Variants in SPOCK1 observed in about 807,000 individuals in gnomAD.
SPOCK1 encodes testican-1.
A neutral mutation model predicts 55.3 loss-of-function variants in SPOCK1; 23 were observed. The ratio of observed to expected loss-of-function variants is 0.42; its 90% CI spans 0.30 to 0.59. SPOCK1 has a LOEUF of 0.59. SPOCK1 is among the 20% of genes least tolerant of loss of function. SPOCK1 has a pLI of 0.22. For missense variants in SPOCK1, 499 were observed against 552.5 expected (o/e 0.90, Z 0.97); for synonymous variants, 226 against 221.0 (o/e 1.02, Z -0.20).
chr5:137,477,546 A>G (rs1753861277), intron 2 of SPOCK1, among the ~76,000 whole-genome samples: 1 of 152,136 alleles, frequency 6.6e-6, no homozygotes, highest in Non-Finnish European at 1.5e-5. Flanking sequence ...AGCATTTCTC[A>G]GTATAACTTG....
At chr5:137,018,790 T>A (rs56027567) in intron 6 of SPOCK1, among the ~76,000 whole-genome samples, 67 of 152,260 alleles carry the variant, frequency 4.4e-4, no homozygotes, top group African/African-American at 1.4e-3. Flanking sequence ...TTTAAAATTT[T>A]AAAAAAAGAA....
intron 2 of SPOCK1, among the ~76,000 whole-genome samples, chr5:137,463,899 G>C (rs1259411553): frequency 6.6e-6 from 1 of 152,184 alleles, no homozygotes; most frequent in Non-Finnish European, 1.5e-5. Context: ...AGCAAGCCAA[G>C]ATTACACCGC....
intron 5 of SPOCK1, among the ~76,000 whole-genome samples, chr5:137,080,901 A>G (rs920640786): frequency 6.6e-6 from 1 of 152,244 alleles, no homozygotes; most frequent in African/African-American, 2.4e-5. Flanking sequence ...AGAGGTCTAC[A>G]TCAGATCTAT....
chr5:137,350,027 G>T (rs1324614775), intron 2 of SPOCK1, among the ~76,000 whole-genome samples: 1 of 152,150 alleles, frequency 6.6e-6, no homozygotes, highest in South Asian at 2.1e-4. Flanking sequence ...ATCTATGAAT[G>T]CCTGGGTGCT....
chr5:137,356,826 T>TAGAGAGAGAG (rs1750819003), intron 2 of SPOCK1, among the ~76,000 whole-genome samples: 1 of 19,348 alleles, frequency 5.2e-5, no homozygotes. Context: ...TATATATATA[T>TAGAGAGAGAG]ATATATATAT....
At chr5:137,090,583 C>A (rs528049470) in intron 5 of SPOCK1, among the ~76,000 whole-genome samples, 1 of 152,322 alleles carries the variant, frequency 6.6e-6, no homozygotes, top group Admixed American at 6.5e-5. Context: ...CACCTCACAG[C>A]CAGGCATGGG....
At chr5:137,219,137 C>A (rs1257115567) in intron 3 of SPOCK1, among the ~76,000 whole-genome samples, 1 of 152,176 alleles carries the variant, frequency 6.6e-6, no homozygotes. Context: ...GCTAGCATCA[C>A]CCTCTTAATT....
chr5:137,223,331 A>G (rs1243473319), intron 3 of SPOCK1, among the ~76,000 whole-genome samples: 2 of 152,126 alleles, frequency 1.3e-5, no homozygotes, highest in African/African-American at 2.4e-5. Context: ...AGTAAAAAGC[A>G]TGACAATGAA....
chr5:137,401,217 T>C (rs1218947611), intron 2 of SPOCK1, among the ~76,000 whole-genome samples: 1 of 152,174 alleles, frequency 6.6e-6, no homozygotes, highest in African/African-American at 2.4e-5. Flanking sequence ...GGAGGAAAAG[T>C]AATAGTGCTT....
At chr5:137,286,071 T>G (rs1337490147) in intron 2 of SPOCK1, among the ~76,000 whole-genome samples, 1 of 152,176 alleles carries the variant, frequency 6.6e-6, no homozygotes, top group Non-Finnish European at 1.5e-5. Context: ...CTCTTAATGT[T>G]CTTCACCACC....
chr5:137,413,864 G>C (rs1752273879), intron 2 of SPOCK1, among the ~76,000 whole-genome samples: 1 of 152,002 alleles, frequency 6.6e-6, no homozygotes, highest in South Asian at 2.1e-4. Context: ...CTATCACAAG[G>C]GTTCTACCAG....
chr5:137,339,636 G>T (rs1385269847), intron 2 of SPOCK1, among the ~76,000 whole-genome samples: 1 of 151,646 alleles, frequency 6.6e-6, no homozygotes, highest in African/African-American at 2.4e-5. Flanking sequence ...TTTTCAATCA[G>T]TTTTTTTTCA....
intron 3 of SPOCK1, among the ~76,000 whole-genome samples, chr5:137,143,946 A>C (rs906560294): frequency 6.6e-6 from 1 of 152,204 alleles, no homozygotes; most frequent in Non-Finnish European, 1.5e-5. Context: ...TATCTTCTTT[A>C]AAAAGCTGAT....
chr5:137,378,929 C>T (rs1369535530), intron 2 of SPOCK1, among the ~76,000 whole-genome samples: 6 of 152,138 alleles, frequency 3.9e-5, no homozygotes, highest in South Asian at 4.1e-4. Context: ...TGGAGCCAGA[C>T]GTAGGAAATC....
At position 137,438,445 on chromosome 5, in the gene SPOCK1, T is replaced by C. The variant is rs533803986; in HGVS notation, c.186+59928A>G. On this transcript the variant is annotated intron_variant, in intron 2 of 10. Coordinates refer to ENST00000394945, the MANE Select transcript of SPOCK1 (RefSeq NM_004598.4). ...GAGAAAACCCAAACCAGGCAGCTCC[T>C]GGGTACACCTCCTAAATAACCCAAA... 7.9e-5 allele frequency among the ~76,000 whole-genome samples: 12 copies of C among 152,244 alleles called. No individual in the cohort carries two copies. In the South Asian group the frequency reaches 1.7e-3, roughly 21 times the overall value.
chr5:137,136,534 C>A (rs1001892239), intron 4 of SPOCK1, among the ~76,000 whole-genome samples: 9 of 152,072 alleles, frequency 5.9e-5, no homozygotes, highest in Non-Finnish European at 1.3e-4. Context: ...CACCAATAGA[C>A]AAAACCCATG....
At chr5:137,162,572 T>C (rs772950267) in intron 3 of SPOCK1, among the ~76,000 whole-genome samples, 17 of 151,944 alleles carry the variant, frequency 1.1e-4, no homozygotes, top group Non-Finnish European at 1.9e-4. Flanking sequence ...TGTGCAGAGG[T>C]GGGGGTGATG....
At chr5:137,023,062 C>A (rs1751604976) in intron 6 of SPOCK1, among the ~76,000 whole-genome samples, 1 of 152,164 alleles carries the variant, frequency 6.6e-6, no homozygotes, top group South Asian at 2.1e-4. Context: ...AGCTGACTGC[C>A]TGAGTTTGGA....
Position 137,339,172 on chromosome 5 carries a change from C to CCAG in SPOCK1, c.187-72120_187-72118dup, listed in dbSNP as rs149408351. Among the ~76,000 whole-genome samples, 1,355 of 152,322 alleles carry CCAG rather than the reference C, an allele frequency of 8.9e-3. 21 individuals are homozygous for CCAG. The highest frequency in any genetic ancestry group is 0.031 in the African/African-American group (1,302 of 41,566). The stretch of plus-strand genomic sequence containing the variant: ...AGTAACAAGTTTTATATCACAGCCA[C>CCAG]CAGCATCCATCTCCCTTTCTATAGG... On this transcript the variant is annotated intron_variant, in intron 2 of 10. Transcript: ENST00000394945.
Sources: gnomAD v4.1 joint callset for allele counts (sites outside exome capture counted in the v4.1 genomes callset) on GRCh38, gnomAD v4.1.1 for gene constraint, MANE v1.5 for transcripts, NCBI Gene and HGNC (gene_info 2026-07-23, HGNC 2026-07-21) for gene names.